The following ME3 variants were observed in gnomAD, a reference collection of about 807,000 sequenced individuals.
ME3 encodes the protein NADP-dependent malic enzyme, mitochondrial.
ME3 carries 48 observed loss-of-function variants against 68.9 expected under a neutral mutation model. The ratio of observed to expected loss-of-function variants is 0.70; its 90% CI spans 0.55 to 0.89. ME3 has a LOEUF of 0.89. ME3 is among the 40% of genes least tolerant of loss of function. The probability of loss-of-function intolerance (pLI) is 0.00; values close to 1 mark genes in which losing one functional copy is unlikely to be tolerated. For synonymous variants in ME3, 320 were observed against 318.8 expected (o/e 1.00, Z -0.04); for missense variants, 675 against 797.4 (o/e 0.85, Z 1.85).
At chr11:86,521,059 T>A (rs1954237837) in intron 4 of ME3, among the ~76,000 whole-genome samples, 1 of 152,174 alleles carries the variant, frequency 6.6e-6, no homozygotes, top group African/African-American at 2.4e-5. Context: ...CTTTGGCATA[T>A]TATTTAACTC....
intron 2 of ME3, among the ~76,000 whole-genome samples, chr11:86,626,029 A>G (rs1266415520): frequency 6.6e-6 from 1 of 152,242 alleles, no homozygotes; most frequent in African/African-American, 2.4e-5. Context: ...AGTAAATGAT[A>G]TGGAGAAAAG....
At chr11:86,460,583 T>A (rs1950181556) in intron 8 of ME3, among the ~76,000 whole-genome samples, 2 of 152,200 alleles carry the variant, frequency 1.3e-5, no homozygotes, top group African/African-American at 4.8e-5. Context: ...TCCAGCCCCC[T>A]CCATGTGTGG....
chr11:86,465,275 T>G, intron 7 of ME3, 75 bp from the exon 8 acceptor site: 6 of 1,060,232 alleles, frequency 5.7e-6, no homozygotes, highest in East Asian at 2.7e-5. Flanking sequence ...GCTTGCACAG[T>G]GGGGTGGGGA....
intron 8 of ME3, among the ~76,000 whole-genome samples, chr11:86,456,427 G>A (rs1184693734): frequency 6.6e-6 from 1 of 152,168 alleles, no homozygotes; most frequent in Non-Finnish European, 1.5e-5. Context: ...GGTGCTGGAT[G>A]GGGATTGGAG....
At chr11:86,580,570 C>T (rs914107283) in intron 2 of ME3, among the ~76,000 whole-genome samples, 2 of 152,144 alleles carry the variant, frequency 1.3e-5, no homozygotes, top group East Asian at 3.8e-4. Flanking sequence ...AAGATATTAA[C>T]ACTACTTCAG....
At chr11:86,596,489 C>T (rs777591077) in intron 2 of ME3, among the ~76,000 whole-genome samples, 2 of 152,192 alleles carry the variant, frequency 1.3e-5, no homozygotes, top group African/African-American at 4.8e-5. Flanking sequence ...ACCAGGAGTA[C>T]TGGATACTCC....
intron 2 of ME3, among the ~76,000 whole-genome samples, chr11:86,646,537 A>G (rs1945025942): frequency 6.6e-6 from 1 of 152,232 alleles, no homozygotes; most frequent in Admixed American, 6.5e-5. Flanking sequence ...AGCCTCTAAG[A>G]AATATGGGAC....
intron 3 of ME3, among the ~76,000 whole-genome samples, chr11:86,557,410 A>T (rs865960367): frequency 6.6e-6 from 1 of 152,196 alleles, no homozygotes; most frequent in Non-Finnish European, 1.5e-5. Context: ...TAATATCACA[A>T]CCTTTCTGGA....
At chr11:86,609,035 C>A (rs1942364002) in intron 2 of ME3, among the ~76,000 whole-genome samples, 1 of 152,090 alleles carries the variant, frequency 6.6e-6, no homozygotes, top group African/African-American at 2.4e-5. Flanking sequence ...CTTCATAAAT[C>A]CCTTTTAGAT....
intron 8 of ME3, chr11:86,457,475 T>C (rs1950003879): frequency 2.9e-5 from 30 of 1,032,482 alleles, no homozygotes; most frequent in Non-Finnish European, 3.4e-5. Context: ...CCCATTTTTT[T>C]CCTTTGGGAA....
chr11:86,598,336 C>G (rs907254138), intron 2 of ME3, among the ~76,000 whole-genome samples: 1 of 152,226 alleles, frequency 6.6e-6, no homozygotes, highest in African/African-American at 2.4e-5. Context: ...CCCACGGAGT[C>G]TCGCTCATTG....
At chr11:86,482,569 C>T (rs1951472247) in intron 7 of ME3, among the ~76,000 whole-genome samples, 1 of 150,300 alleles carries the variant, frequency 6.7e-6, no homozygotes, top group Admixed American at 6.7e-5. Flanking sequence ...CCTTGTATAA[C>T]CTCCTCCCTT....
intron 2 of ME3, among the ~76,000 whole-genome samples, chr11:86,593,767 T>C (rs979219494): frequency 6.8e-6 from 1 of 146,616 alleles, no homozygotes; most frequent in African/African-American, 2.5e-5. Flanking sequence ...TTAGTCTTTT[T>C]TCCCCACTAA....
At chr11:86,605,667 G>GT (rs1961521541) in intron 2 of ME3, among the ~76,000 whole-genome samples, 1 of 152,132 alleles carries the variant, frequency 6.6e-6, no homozygotes, top group Non-Finnish European at 1.5e-5. Context: ...AATCATTGAA[G>GT]TTTTTTATTT....
chr11:86,552,166 C>T (rs1365638128), intron 4 of ME3, among the ~76,000 whole-genome samples: 2 of 152,160 alleles, frequency 1.3e-5, no homozygotes, highest in African/African-American at 2.4e-5. Flanking sequence ...ATTGAATCCT[C>T]CCAAGCAGCC....
intron 4 of ME3, among the ~76,000 whole-genome samples, chr11:86,550,225 A>G (rs1302338044): frequency 6.6e-6 from 1 of 152,204 alleles, no homozygotes; most frequent in Non-Finnish European, 1.5e-5. Context: ...GTTTGGCTGC[A>G]TAATATTACC....
chr11:86,608,919 G>T (rs1260018848), intron 2 of ME3, among the ~76,000 whole-genome samples: 1 of 152,022 alleles, frequency 6.6e-6, no homozygotes, highest in Non-Finnish European at 1.5e-5. Flanking sequence ...GTATTTTTTT[G>T]GATAATGGAT....
chr11:86,538,698 T>G (rs910848744), intron 4 of ME3, among the ~76,000 whole-genome samples: 1 of 152,216 alleles, frequency 6.6e-6, no homozygotes, highest in Non-Finnish European at 1.5e-5. Flanking sequence ...TAGTTCCCTG[T>G]GGGCTCTCCT....
chr11:86,583,555 C>T (rs899756717), intron 2 of ME3, among the ~76,000 whole-genome samples: 2 of 151,932 alleles, frequency 1.3e-5, no homozygotes, highest in Non-Finnish European at 1.5e-5. Flanking sequence ...AAATAATCAC[C>T]CAATTAATTA....
Sources: gnomAD v4.1 joint callset for allele counts (sites outside exome capture counted in the v4.1 genomes callset) on GRCh38, gnomAD v4.1.1 for gene constraint, MANE v1.5 for transcripts, NCBI Gene and HGNC (gene_info 2026-07-23, HGNC 2026-07-21) for gene names.